TRRAP: variants seen among roughly 807,000 people sequenced by gnomAD.
The protein encoded by TRRAP is transformation/transcription domain associated protein.
A neutral mutation model predicts 438.8 loss-of-function variants in TRRAP; 41 were observed. The ratio of observed to expected loss-of-function variants is 0.09; its 90% confidence interval spans 0.07 to 0.12. The LOEUF is 0.12. Among genes scored for constraint, TRRAP ranks in the 10% least tolerant of loss-of-function variants. The pLI is 1.00. For missense variants in TRRAP, 3,122 were observed against 5,055.1 expected, an observed-to-expected ratio of 0.62 and a Z score of 11.60; for synonymous variants, 1,994 against 1,962.9, an observed-to-expected ratio of 1.02 and a Z score of -0.42.
At chr7:99,008,024 C>A (rs1224459093) in intron 69 of TRRAP, among the ~76,000 whole-genome samples, 1 of 151,812 alleles carries the variant, frequency 6.6e-6, no homozygotes, top group Non-Finnish European at 1.5e-5. Context: ...CGAGGTTTCA[C>A]CATGTTGACC....
In TRRAP at chr7:98,906,234, A is replaced by G; in HGVS notation, c.1094A>G (p.Tyr365Cys). The G allele has an allele frequency of 1.9e-6, 3 of 1,613,962 alleles. No individual in the cohort carries two copies. The highest frequency in any genetic ancestry group is 2.5e-6 in the Non-Finnish European group (3 of 1,179,912). The change falls in exon 13 of 73, where the codon TAT becomes TGT. Residue 365 changes from tyrosine to cysteine, a missense_variant. Transcript: ENST00000456197. Reference protein sequence around the residue: ...FDESILIGSGYTARETLRPLA... With the variant: ...FDESILIGSGCTARETLRPLA... ...GAATCCATACTAATTGGCTCAGGATATACTGCCAGAGAGACTCTAAGGTAT... is the reference window on the plus strand; with the variant it reads ...GAATCCATACTAATTGGCTCAGGATGTACTGCCAGAGAGACTCTAAGGTAT...
Position 98,917,559 on chromosome 7 carries a change from A to G in TRRAP, c.2502A>G (p.Ala834=), listed in dbSNP as rs1217056196. Residue 834 remains alanine (A), a synonymous_variant, in exon 20 of 73, where the codon GCA becomes GCG. Coordinates refer to ENST00000456197, the MANE Select transcript of TRRAP (RefSeq NM_001375524.1). The part of the protein sequence containing the change: ...LPMLMDPLVS[A]LNGSQTLVSQ... The stretch of plus-strand genomic sequence containing the variant: ...TGCTTATGGATCCCTTGGTGTCTGC[A>G]CTCAATGGGTCTCAGACATTGGTCA... 56 of 1,614,138 alleles carry G rather than the reference A, an allele frequency of 3.5e-5. No individual in the cohort carries two copies. Among genetic ancestry groups the G allele is most frequent in the Non-Finnish European group, 4.6e-5 (54 of 1,180,032 alleles).
Position 98,956,519 on chromosome 7 carries a change from G to A in TRRAP, c.6217G>A (p.Gly2073Arg), listed in dbSNP as rs1791621695. 3.7e-6 allele frequency: 6 copies of A among 1,613,992 alleles called. No individual in the cohort carries two copies. Among genetic ancestry groups the A allele is most frequent in the Non-Finnish European group, 5.1e-6 (6 of 1,179,976 alleles). Residue 2073 changes from glycine (G) to arginine (R), a missense_variant, in exon 43 of 73, where the codon GGA becomes AGA. Coordinates refer to ENST00000456197, the MANE Select transcript of TRRAP (RefSeq NM_001375524.1). This position sits in a 1 kb window ranked among gnomAD's most constrained non-coding sequence, Gnocchi z 4.5. Reference protein sequence around the residue: ...QEVKRFRTATGAISAVFGRSQ... With the variant: ...QEVKRFRTATRAISAVFGRSQ... ...AGTGAAACGCTTTAGGACGGCCACC[G>A]GAGCCATCAGTGCAGTAAGATCATG... is the stretch of plus-strand genomic sequence containing the variant.
intron 30 of TRRAP, among the ~76,000 whole-genome samples, chr7:98,942,140 G>C (rs1193933785): frequency 6.6e-6 from 1 of 152,212 alleles, no homozygotes; most frequent in Non-Finnish European, 1.5e-5. Flanking sequence ...CTGGCTACCA[G>C]GTGCCTGGGT....
At chr7:98,904,152 G>T (rs1796604781) in intron 12 of TRRAP, among the ~76,000 whole-genome samples, 1 of 152,044 alleles carries the variant, frequency 6.6e-6, no homozygotes, top group African/African-American at 2.4e-5. Flanking sequence ...TTGGAGGTGT[G>T]TTGGGGACCT....
chr7:98,988,638 C>T (rs527824223), intron 62 of TRRAP, 127 bp from the exon 63 acceptor site: 144 of 1,083,918 alleles, frequency 1.3e-4, no homozygotes, highest in African/African-American at 3.3e-4. Context: ...GCTTATGGGG[C>T]GGTTGCACAA....
intron 24 of TRRAP, 104 bp downstream of exon 24, chr7:98,930,310 C>T (rs1193183930): frequency 1.5e-6 from 2 of 1,377,660 alleles, no homozygotes; most frequent in Non-Finnish European, 2.0e-6. Context: ...GACGCAGTGG[C>T]TCACGCCTGT....
intron 20 of TRRAP, 56 bp from the exon 21 acceptor site, chr7:98,921,697 A>T (rs1554410570): frequency 6.2e-6 from 10 of 1,604,918 alleles, no homozygotes; most frequent in Non-Finnish European, 8.5e-6. Flanking sequence ...TTTTGATCCG[A>T]ACCTCGTGAA....
At chr7:98,973,088 TCC>T (rs1211659874) in intron 53 of TRRAP, among the ~76,000 whole-genome samples, 1 of 152,160 alleles carries the variant, frequency 6.6e-6, no homozygotes, top group East Asian at 1.9e-4. Context: ...CTAGCGATTC[TCC>T]TGCCTCAGCC....
Position 98,964,670 on chromosome 7 carries a change from A to G in TRRAP, c.6871A>G (p.Ser2291Gly). ...CAAGTCTGCCTGCAGCAACAACCCC[A>G]GCTACATAGACAGGCTGATCTCCGT... is the stretch of plus-strand genomic sequence containing the variant. Reference protein sequence around the residue: ...ILKSACSNNPSYIDRLISVFM... With the variant: ...ILKSACSNNPGYIDRLISVFM... Residue 2291 changes from serine to glycine, a missense_variant, in exon 48 of 73, where the codon AGC (serine) becomes GGC (glycine). This residue lies in a region of TRRAP where 992 missense variants were observed against 1,281.2 expected (regional missense o/e 0.77). Coordinates refer to ENST00000456197, the MANE Select transcript of TRRAP (RefSeq NM_001375524.1). 1 of 1,614,094 alleles carries G rather than the reference A, an allele frequency of 6.2e-7. No individual in the cohort carries two copies. The highest frequency in any genetic ancestry group is 8.5e-7 in the Non-Finnish European group (1 of 1,180,016).
chr7:98,997,325 C>T (rs888922111), intron 67 of TRRAP, among the ~76,000 whole-genome samples: 1 of 151,730 alleles, frequency 6.6e-6, no homozygotes, highest in Non-Finnish European at 1.5e-5. Context: ...TGTTCTCAAG[C>T]TGCAGTTCAG....
At chr7:98,899,862 A>G (rs1796395136) in intron 10 of TRRAP, 95 bp downstream of exon 10, 5 of 1,413,666 alleles carry the variant, frequency 3.5e-6, no homozygotes, top group African/African-American at 1.4e-5. Flanking sequence ...ATTATGAGTG[A>G]TAAAATTTTG....
At chr7:98,973,014 C>G (rs1792487336) in intron 53 of TRRAP, among the ~76,000 whole-genome samples, 1 of 152,138 alleles carries the variant, frequency 6.6e-6, no homozygotes, top group Non-Finnish European at 1.5e-5. Flanking sequence ...GGGTCTCACT[C>G]TGTTGCTCAG....
intron 58 of TRRAP, among the ~76,000 whole-genome samples, chr7:98,980,331 C>G (rs1405327370): frequency 6.6e-6 from 1 of 152,178 alleles, no homozygotes; most frequent in Non-Finnish European, 1.5e-5. Context: ...ATTGATCTTG[C>G]TACAGCAATT....
At chr7:98,962,256 G>C in intron 46 of TRRAP, 46 bp from the exon 47 acceptor site, 1 of 1,612,994 alleles carries the variant, frequency 6.2e-7, no homozygotes, top group Non-Finnish European at 8.5e-7. Context: ...GCACTGGTGG[G>C]CCCAAGAGCC....
At position 98,992,101 on chromosome 7, in the gene TRRAP, G is replaced by GAGC. The variant is rs113567993; in HGVS notation, c.9757-31_9757-29dup. 2,835 of 1,602,844 alleles carry GAGC rather than the reference G, an allele frequency of 1.8e-3. 42 individuals carry two copies. In the African/African-American group the frequency reaches 0.03, roughly 17 times the overall value. On this transcript the variant is annotated intron_variant, in intron 64 of 72. Coordinates refer to ENST00000456197, the MANE Select transcript of TRRAP (RefSeq NM_001375524.1). ...TTATCTTTATCCAGAGCTCAGCAGA[G>GAGC]AGCAGCACTGTTTATAACATCTTGT...
chr7:98,883,667 C>T (rs547177209), intron 3 of TRRAP, among the ~76,000 whole-genome samples: 1 of 152,292 alleles, frequency 6.6e-6, no homozygotes, highest in South Asian at 2.1e-4. Flanking sequence ...GCATGCACTA[C>T]CACGCCTGGC....
At chr7:98,970,667 A>G (rs1265251489) in intron 52 of TRRAP, among the ~76,000 whole-genome samples, 1 of 151,826 alleles carries the variant, frequency 6.6e-6, no homozygotes, top group African/African-American at 2.4e-5. Context: ...GAATCACGTT[A>G]CCATGAGCTA....
At chr7:98,977,776 C>G (rs1258282444) in intron 56 of TRRAP, among the ~76,000 whole-genome samples, 1 of 152,240 alleles carries the variant, frequency 6.6e-6, no homozygotes, top group Non-Finnish European at 1.5e-5. Context: ...GCAGATGTGG[C>G]CTTGCGGCTC....
Sources: allele counts gnomAD v4.1 joint callset (sites outside exome capture counted in the v4.1 genomes callset), GRCh38; gene constraint gnomAD v4.1.1; regional missense constraint gnomAD v4.1.1; non-coding constraint Gnocchi (gnomAD v3.1); transcripts MANE v1.5; gene names NCBI Gene and HGNC (gene_info 2026-07-23, HGNC 2026-07-21).